The following NBPF3 variants were observed in gnomAD, a reference collection of about 807,000 sequenced individuals.
NBPF3 encodes the protein NBPF member 3.
A neutral mutation model predicts 78.1 loss-of-function variants in NBPF3; 57 were observed. That is an observed-to-expected ratio of 0.73 (90% CI 0.59 to 0.91). The LOEUF (loss-of-function observed/expected upper bound fraction) is 0.91. Among genes scored for constraint, NBPF3 ranks in the 40% least tolerant of loss-of-function variants. NBPF3 has a pLI of 0.00. For synonymous variants in NBPF3, 182 were observed against 271.7 expected (o/e 0.67, Z 3.25); for missense variants, 510 against 715.3 (o/e 0.71, Z 3.27).
rs766796014 is a variant in NBPF3, at chr1:21,479,820, C to CTCTGTGTG, written c.1209-230_1209-229insCTGTGTGT. 8.6e-3 allele frequency among the ~76,000 whole-genome samples: 886 copies of CTCTGTGTG among 102,870 alleles called. 17 individuals carry two copies. Among genetic ancestry groups the CTCTGTGTG allele is most frequent in the African/African-American group, 0.027 (791 of 29,770 alleles). 67.5% of individuals were successfully genotyped at this position (102,870 alleles called of 152,430 possible). On this transcript the variant is annotated intron_variant, in intron 10 of 14. Transcript: ENST00000318249. ...TCTCTCTCTCTCTCTCTCTCTCTCT[C>CTCTGTGTG]TGTGTGTGTGTGTGTGTGTGTGTGT...
At chr1:21,437,258 G>C, upstream of NBPF3, 1 of 354,726 alleles carries the variant, frequency 2.8e-6, no homozygotes, top group Non-Finnish European at 5.2e-6. Flanking sequence ...GAGCCCTCGG[G>C]GTGGTGTCAG....
rs771555848 is a variant in NBPF3, at chr1:21,445,220, G to A, written c.133+1G>A. ...CATCAAGAGCTGCGAGATCCAACAGGTAAAAATCCCGAGGCATTGCCAGCT... is the reference window on the plus strand; with the variant it reads ...CATCAAGAGCTGCGAGATCCAACAGATAAAAATCCCGAGGCATTGCCAGCT... On this transcript the variant is annotated splice_donor_variant, in intron 2 of 14. Coordinates refer to ENST00000318249, the MANE Select transcript of NBPF3 (RefSeq NM_032264.6). LOFTEE classifies it high-confidence loss of function. The A allele has an allele frequency of 3.0e-5, 49 of 1,611,116 alleles. No individual in the cohort carries two copies. In the South Asian group the frequency reaches 3.7e-4, roughly 12 times the overall value.
At chr1:21,464,455 G>T (rs551405827) in intron 2 of NBPF3, among the ~76,000 whole-genome samples, 5 of 152,022 alleles carry the variant, frequency 3.3e-5, no homozygotes, top group East Asian at 1.9e-4. Context: ...AGCACAAGAG[G>T]GGGGGAATTG....
In NBPF3 at chr1:21,445,044, T is replaced by G; in HGVS notation, c.-43T>G. On this transcript the variant is annotated 5_prime_UTR_variant, in exon 2 of 15. Coordinates refer to ENST00000318249, the MANE Select transcript of NBPF3 (RefSeq NM_032264.6). Reference sequence around the variant, plus strand: ...GTCCCTTGCCGTCCTCCTGAGGGTATCTGGAGCTTCAGTGCTGTGTGCTCT... The same window carrying G: ...GTCCCTTGCCGTCCTCCTGAGGGTAGCTGGAGCTTCAGTGCTGTGTGCTCT... The G allele has an allele frequency of 3.8e-6, 6 of 1,587,998 alleles. No individual in the cohort carries two copies. Among genetic ancestry groups the G allele is most frequent in the Non-Finnish European group, 5.1e-6 (6 of 1,165,512 alleles).
At chr1:21,458,413 G>A (rs148643876) in intron 2 of NBPF3, among the ~76,000 whole-genome samples, 6,862 of 149,394 alleles carry the variant, frequency 0.046, 407 homozygotes, top group African/African-American at 0.14. Context: ...CCACTCAGTC[G>A]GTACTGAAAC....
intron 3 of NBPF3, among the ~76,000 whole-genome samples, chr1:21,469,545 A>G (rs1642470703): frequency 6.6e-6 from 1 of 152,116 alleles, no homozygotes; most frequent in African/African-American, 2.4e-5. Flanking sequence ...GGCAACGTGG[A>G]GAAACCCCAT....
At chr1:21,458,471 G>A (rs1298115959) in intron 2 of NBPF3, among the ~76,000 whole-genome samples, 1 of 151,784 alleles carries the variant, frequency 6.6e-6, no homozygotes. Context: ...GCCACGTATG[G>A]ATGCTCATGA....
At position 21,459,645 on chromosome 1, in the gene NBPF3, G is replaced by T. The variant is rs530698272; in HGVS notation, c.134-9043G>T. On this transcript the variant is annotated intron_variant, in intron 2 of 14. Transcript: ENST00000318249. Reference sequence around the variant, plus strand: ...GCAAAGCTGTGGGGAACGGTTGAGGGGAAGGAACAAAGGAGGTCAGTACTG... The same window carrying T: ...GCAAAGCTGTGGGGAACGGTTGAGGTGAAGGAACAAAGGAGGTCAGTACTG... 2.9e-5 allele frequency: 8 copies of T among 277,302 alleles called. No individual in the cohort carries two copies. The East Asian group carries it at 5.9e-4, about 21-fold the overall frequency. 17.2% of individuals were successfully genotyped at this position (277,302 alleles called of 1,614,324 possible).
chr1:21,463,448 T>C (rs1262532588), intron 2 of NBPF3, among the ~76,000 whole-genome samples: 1 of 152,136 alleles, frequency 6.6e-6, no homozygotes, highest in Non-Finnish European at 1.5e-5. Flanking sequence ...ACATCGGTAA[T>C]GGACAGGAGG....
upstream of NBPF3, among the ~76,000 whole-genome samples, chr1:21,437,208 G>A (rs1260192999): frequency 1.3e-5 from 2 of 151,598 alleles, no homozygotes; most frequent in African/African-American, 2.4e-5. Context: ...GTAGGGAGGA[G>A]TCTGAGAGTG....
At chr1:21,449,939 T>A in intron 2 of NBPF3, 1 of 287,552 alleles carries the variant, frequency 3.5e-6, no homozygotes, top group Non-Finnish European at 5.1e-6. Context: ...ATTGATTGAT[T>A]GATGGATTGA....
At chr1:21,457,090 A>G (rs1641641172) in intron 2 of NBPF3, among the ~76,000 whole-genome samples, 1 of 152,258 alleles carries the variant, frequency 6.6e-6, no homozygotes, top group South Asian at 2.1e-4. Flanking sequence ...AATGAAATAA[A>G]AATACAATTT....
chr1:21,459,805 C>T (rs1055962342), intron 2 of NBPF3: 27 of 287,128 alleles, frequency 9.4e-5, no homozygotes, highest in Non-Finnish European at 1.7e-4. Context: ...GGGGCTCCAC[C>T]GATGCTCTTC....
At chr1:21,451,095 T>A (rs1436810407) in intron 2 of NBPF3, among the ~76,000 whole-genome samples, 1 of 152,224 alleles carries the variant, frequency 6.6e-6, no homozygotes, top group Non-Finnish European at 1.5e-5. Context: ...TTTCTCACAC[T>A]CTTTTGCATA....
intron 7 of NBPF3, among the ~76,000 whole-genome samples, 165 bp from the exon 8 acceptor site, chr1:21,474,735 T>TAC (rs1279870451): frequency 5.9e-5 from 9 of 152,246 alleles, no homozygotes; most frequent in Admixed American, 5.9e-4. Context: ...CAGGGTCATC[T>TAC]ACTTCTCACC....
chr1:21,437,417 G>T (rs1558466776), upstream of NBPF3: 3 of 1,178,166 alleles, frequency 2.5e-6, no homozygotes, highest in Non-Finnish European at 2.4e-6. Flanking sequence ...CTCAAACGTA[G>T]GCCTAGAGGA....
In NBPF3 at chr1:21,445,073, C is replaced by T. The variant is rs775395263; in HGVS notation, c.-14C>T. ...GAGCTTCAGTGCTGTGTGCTCTTGG[C>T]CTCCACACTGGGGATGCCACTGACT... On this transcript the variant is annotated 5_prime_UTR_variant, in exon 2 of 15. Coordinates refer to ENST00000318249, the MANE Select transcript of NBPF3 (RefSeq NM_032264.6). The T allele has an allele frequency of 1.9e-6, 3 of 1,608,934 alleles. No homozygotes were observed. The highest frequency in any genetic ancestry group is 2.7e-5 in the African/African-American group (2 of 74,780).
chr1:21,455,254 G>T (rs1376607697), intron 2 of NBPF3, among the ~76,000 whole-genome samples: 1 of 152,192 alleles, frequency 6.6e-6, no homozygotes, highest in Admixed American at 6.5e-5. Flanking sequence ...TTGGGATCTC[G>T]ATTACATCTG....
At position 21,445,148 on chromosome 1, in the gene NBPF3, C is replaced by A. The variant is rs937016810; in HGVS notation, c.62C>A (p.Thr21Asn). 2 of 1,611,958 alleles carry A rather than the reference C, an allele frequency of 1.2e-6. No homozygotes were observed. The highest frequency in any genetic ancestry group is 2.2e-5 in the South Asian group (2 of 90,988). The change falls in exon 2 of 15, where the codon ACT becomes AAT. Residue 21 changes from threonine (T) to asparagine (N), a missense_variant. This residue lies in a region of NBPF3 where 440 missense variants were observed against 478.2 expected (regional missense o/e 0.92). Coordinates refer to ENST00000318249, the MANE Select transcript of NBPF3 (RefSeq NM_032264.6). ...QWTLRGPDVE[T>N]SPFGAPRAAS... ...ACTCTCCGAGGCCCTGATGTAGAAA[C>A]TTCCCCATTCGGTGCACCAAGAGCA...
Sources: allele counts gnomAD v4.1 joint callset (sites outside exome capture counted in the v4.1 genomes callset), GRCh38; gene constraint gnomAD v4.1.1; regional missense constraint gnomAD v4.1.1; transcripts MANE v1.5; gene names NCBI Gene and HGNC (gene_info 2026-07-23, HGNC 2026-07-21).